The following ATRN variants were observed in gnomAD, a reference collection of about 807,000 sequenced individuals.
ATRN encodes the protein attractin-2.
In ATRN, 54 loss-of-function variants were observed where a neutral mutation model predicts 178.7. The observed-to-expected ratio is 0.30, with a 90% CI of 0.24 to 0.38. The LOEUF (loss-of-function observed/expected upper bound fraction) is 0.38. ATRN is among the 10% of genes least tolerant of loss of function. ATRN has a pLI of 1.00. For missense variants in ATRN, 1,443 were observed against 1,815.1 expected, an observed-to-expected ratio of 0.79 and a Z score of 3.73; for synonymous variants, 636 against 663.0, an observed-to-expected ratio of 0.96 and a Z score of 0.63.
chr20:3,512,035 C>CT (rs34065702), intron 1 of ATRN, among the ~76,000 whole-genome samples: 32,385 of 115,388 alleles, frequency 0.28, 4,565 homozygotes, highest in African/African-American at 0.33. Context: ...TTTTACCTGA[C>CT]TTTTTTTTTT....
chr20:3,592,988 A>G (rs1305272380), intron 19 of ATRN, among the ~76,000 whole-genome samples: 2 of 152,336 alleles, frequency 1.3e-5, no homozygotes, highest in East Asian at 1.9e-4. Flanking sequence ...CAGAGTACCT[A>G]ACAGAGTGGT....
chr20:3,612,284 A>AT (rs1380164537), intron 24 of ATRN, among the ~76,000 whole-genome samples: 2 of 152,380 alleles, frequency 1.3e-5, no homozygotes, highest in Middle Eastern at 3.4e-3. Flanking sequence ...TATATACTGC[A>AT]TGATTGCATT....
At chr20:3,608,984 A>AG (rs1404960179) in intron 24 of ATRN, among the ~76,000 whole-genome samples, 1 of 151,356 alleles carries the variant, frequency 6.6e-6, no homozygotes, top group Non-Finnish European at 1.5e-5. Context: ...AAAAAGAAAA[A>AG]AAAAAAAAGA....
chr20:3,524,019 A>G (rs1339856012), intron 1 of ATRN, among the ~76,000 whole-genome samples: 2 of 152,242 alleles, frequency 1.3e-5, no homozygotes, highest in Non-Finnish European at 2.9e-5. Context: ...TAATGGGCAA[A>G]ATAACCAGCT....
chr20:3,482,129 T>C (rs1600003722), intron 1 of ATRN, among the ~76,000 whole-genome samples: 1 of 152,120 alleles, frequency 6.6e-6, no homozygotes, highest in East Asian at 1.9e-4. Flanking sequence ...GTAAAAGTAG[T>C]TTGTTAATAA....
intron 17 of ATRN, 53 bp from the exon 18 acceptor site, chr20:3,584,594 A>C: frequency 1.5e-6 from 2 of 1,301,124 alleles, no homozygotes; most frequent in South Asian, 1.3e-5. Flanking sequence ...AAGTAAATAC[A>C]GTGAATTCAG....
intron 1 of ATRN, among the ~76,000 whole-genome samples, chr20:3,478,277 T>G (rs537423149): frequency 6.6e-6 from 1 of 152,240 alleles, no homozygotes; most frequent in African/African-American, 2.4e-5. Context: ...CTATTCACAA[T>G]AGCAAAGACT....
intron 4 of ATRN, among the ~76,000 whole-genome samples, chr20:3,546,735 A>T (rs1001782168): frequency 6.6e-6 from 1 of 152,170 alleles, no homozygotes; most frequent in Non-Finnish European, 1.5e-5. Context: ...GCCTTCTTCC[A>T]TCTGAAATGA....
At chr20:3,594,419 C>A in intron 19 of ATRN, 60 bp from the exon 20 acceptor site, 2 of 1,425,260 alleles carry the variant, frequency 1.4e-6, no homozygotes, top group South Asian at 1.4e-5. Flanking sequence ...TGGAAAAAGT[C>A]TCCAATAGTC....
chr20:3,615,478 A>T (rs1480561769), intron 24 of ATRN, among the ~76,000 whole-genome samples: 2 of 151,948 alleles, frequency 1.3e-5, no homozygotes, highest in Non-Finnish European at 2.9e-5. Flanking sequence ...AAGGCTGTAC[A>T]AGAACCTTAA....
intron 1 of ATRN, among the ~76,000 whole-genome samples, chr20:3,531,200 A>G (rs1235066228): frequency 6.6e-6 from 1 of 152,226 alleles, no homozygotes; most frequent in African/African-American, 2.4e-5. Flanking sequence ...ATTAGAACAC[A>G]GGGAATTTTG....
rs2086146983 is a variant in ATRN, at chr20:3,572,856, G to C, written c.1997G>C (p.Cys666Ser). ...TTAGCAGCAGGACCTGGTATTCGGTGTGTGTGGAACACAGGGTCGTCTCAG... is the reference window on the plus strand; with the variant it reads ...TTAGCAGCAGGACCTGGTATTCGGTCTGTGTGGAACACAGGGTCGTCTCAG... ...ACLAAGPGIR[C>S]VWNTGSSQCI... Residue 666 changes from cysteine (C) to serine (S), a missense_variant, in exon 12 of 29, where the codon TGT becomes TCT. Around this residue, in one of 4 missense-constraint regions of ATRN, gnomAD observed 862 missense variants for 972.1 expected, o/e 0.89. Transcript: ENST00000262919. 6.2e-7 allele frequency: 1 copy of C among 1,613,804 alleles called. No homozygotes were observed. The highest frequency in any genetic ancestry group is 8.5e-7 in the Non-Finnish European group (1 of 1,179,992).
intron 1 of ATRN, among the ~76,000 whole-genome samples, chr20:3,507,692 A>AT (rs2085065496): frequency 7.0e-6 from 1 of 143,784 alleles, no homozygotes; most frequent in Non-Finnish European, 1.5e-5. Context: ...AAAGTTAAAA[A>AT]TATTTTTTTT....
chr20:3,510,017 A>G, intron 1 of ATRN, among the ~76,000 whole-genome samples: 1 of 152,288 alleles, frequency 6.6e-6, no homozygotes, highest in East Asian at 1.9e-4. Flanking sequence ...AGGGTAAACT[A>G]TATATATCGT....
At chr20:3,550,796 G>T (rs571271435) in intron 6 of ATRN, among the ~76,000 whole-genome samples, 1 of 152,148 alleles carries the variant, frequency 6.6e-6, no homozygotes, top group Non-Finnish European at 1.5e-5. Flanking sequence ...CCTTCCCTCT[G>T]GGGGGAAAGA....
chr20:3,525,418 A>G (rs1218250263), intron 1 of ATRN, among the ~76,000 whole-genome samples: 1 of 152,200 alleles, frequency 6.6e-6, no homozygotes, highest in Non-Finnish European at 1.5e-5. Flanking sequence ...TAGCCTATCA[A>G]CCAAAAAAAA....
intron 20 of ATRN, among the ~76,000 whole-genome samples, chr20:3,595,709 C>G (rs753376548): frequency 6.6e-6 from 1 of 152,216 alleles, no homozygotes; most frequent in Non-Finnish European, 1.5e-5. Flanking sequence ...GCAGGTGCTG[C>G]TCATCACCCT....
intron 23 of ATRN, among the ~76,000 whole-genome samples, chr20:3,602,963 CAAAAAAA>C (rs3842439): frequency 9.8e-5 from 4 of 40,874 alleles, no homozygotes; most frequent in Non-Finnish European, 1.4e-4. Flanking sequence ...AATTCCATCT[CAAAAAAA>C]AAAAAAAAAA....
At chr20:3,480,774 A>G (rs939801424) in intron 1 of ATRN, among the ~76,000 whole-genome samples, 1 of 152,222 alleles carries the variant, frequency 6.6e-6, no homozygotes, top group Non-Finnish European at 1.5e-5. Context: ...GTGTGTGTTT[A>G]TGATCAGAAC....
Sources: allele counts gnomAD v4.1 joint callset (sites outside exome capture counted in the v4.1 genomes callset), GRCh38; gene constraint gnomAD v4.1.1; regional missense constraint gnomAD v4.1.1; transcripts MANE v1.5; gene names NCBI Gene and HGNC (gene_info 2026-07-23, HGNC 2026-07-21).